Variants in KIAA1217 observed in about 807,000 individuals in gnomAD.
The protein encoded by KIAA1217 is KIAA1217.
A neutral mutation model predicts 163.9 loss-of-function variants in KIAA1217; 88 were observed. The observed-to-expected ratio is 0.54, with a 90% CI of 0.45 to 0.64. The LOEUF (loss-of-function observed/expected upper bound fraction) is 0.64. Among genes scored for constraint, KIAA1217 ranks in the 30% least tolerant of loss-of-function variants. The pLI, the probability that KIAA1217 is intolerant of heterozygous loss-of-function variation, is 0.00. For missense variants in KIAA1217, 2,372 were observed against 2,475.0 expected, an observed-to-expected ratio of 0.96 and a Z score of 0.88; for synonymous variants, 903 against 923.1, an observed-to-expected ratio of 0.98 and a Z score of 0.39.
At chr10:23,853,635 A>G (rs574783532) in intron 1 of KIAA1217, among the ~76,000 whole-genome samples, 2 of 152,264 alleles carry the variant, frequency 1.3e-5, no homozygotes, top group East Asian at 1.9e-4. Flanking sequence ...GTGTGAATCC[A>G]TCTGGTCCTG....
chr10:24,291,686 C>G (rs971942498), intron 2 of KIAA1217, among the ~76,000 whole-genome samples: 6 of 152,094 alleles, frequency 3.9e-5, no homozygotes, highest in African/African-American at 1.4e-4. Flanking sequence ...TTTGGTCACA[C>G]TACACCATTT....
intron 2 of KIAA1217, among the ~76,000 whole-genome samples, chr10:24,329,182 G>A (rs1488274855): frequency 6.8e-6 from 1 of 146,968 alleles, no homozygotes; most frequent in Non-Finnish European, 1.5e-5. Flanking sequence ...CATAAATGGT[G>A]TATATACATA....
intron 5 of KIAA1217, among the ~76,000 whole-genome samples, chr10:24,456,921 C>T (rs541372267): frequency 3.3e-5 from 5 of 151,860 alleles, no homozygotes; most frequent in Non-Finnish European, 7.4e-5. Flanking sequence ...AGGCTGCTCT[C>T]GAATTCCTAA....
chr10:24,397,056 C>T (rs373150201), intron 3 of KIAA1217, among the ~76,000 whole-genome samples: 2 of 150,728 alleles, frequency 1.3e-5, no homozygotes, highest in African/African-American at 2.4e-5. Flanking sequence ...AGGTTGGTTT[C>T]TGCCATCCAG....
At chr10:24,366,315 G>A (rs185884691) in intron 2 of KIAA1217, among the ~76,000 whole-genome samples, 54 of 152,074 alleles carry the variant, frequency 3.6e-4, no homozygotes, top group African/African-American at 1.1e-3. Flanking sequence ...TTTGGTGGTG[G>A]GCGCCTGTAA....
chr10:24,282,047 A>C (rs2078001791), intron 2 of KIAA1217, among the ~76,000 whole-genome samples: 1 of 151,572 alleles, frequency 6.6e-6, no homozygotes, highest in Admixed American at 6.6e-5. Context: ...ACAGAGCGAG[A>C]CTCCATCTCA....
chr10:24,254,564 A>T (rs910977931), intron 2 of KIAA1217, among the ~76,000 whole-genome samples: 1 of 152,108 alleles, frequency 6.6e-6, no homozygotes, highest in Non-Finnish European at 1.5e-5. Context: ...GCCTTTCTTT[A>T]TTCTGTTGTT....
At chr10:23,946,460 T>G (rs1177859612) in intron 1 of KIAA1217, among the ~76,000 whole-genome samples, 1 of 152,170 alleles carries the variant, frequency 6.6e-6, no homozygotes, top group Admixed American at 6.5e-5. Flanking sequence ...CATTTTTAAT[T>G]TATATTTTAC....
chr10:24,244,565 T>C (rs1304757988), intron 2 of KIAA1217, among the ~76,000 whole-genome samples: 18 of 144,800 alleles, frequency 1.2e-4, no homozygotes, highest in African/African-American at 3.5e-4. Flanking sequence ...TTCTTTCTTT[T>C]TTTTTTTTTT....
At chr10:24,460,312 C>G (rs2062259719) in intron 5 of KIAA1217, among the ~76,000 whole-genome samples, 1 of 152,158 alleles carries the variant, frequency 6.6e-6, no homozygotes, top group Admixed American at 6.5e-5. Context: ...AGAATTTCCC[C>G]AGCTCACACA....
chr10:24,270,003 A>T (rs2076617967), intron 2 of KIAA1217, among the ~76,000 whole-genome samples: 1 of 152,198 alleles, frequency 6.6e-6, no homozygotes, highest in Non-Finnish European at 1.5e-5. Context: ...GTATGGAAGA[A>T]TCGCCCCCTG....
In KIAA1217 at chr10:24,157,891, G is replaced by A. The variant is rs927659089; in HGVS notation, c.-170-61735G>A. 2.0e-5 allele frequency: 13 copies of A among 653,808 alleles called. No individual in the cohort carries two copies. In the African/African-American group the frequency reaches 2.0e-4, roughly 10 times the overall value. The allele number at this position is 653,808 out of a possible 1,614,324, so 40.5% of individuals were successfully genotyped here. ...CTGCATTAGGATCTGAACCAATGAT[G>A]CTGGCTTCATCTCCAAAGCCAGGAG... On this transcript the variant is annotated intron_variant, in intron 2 of 18. Coordinates refer to the KIAA1217 transcript ENST00000376462.
intron 2 of KIAA1217, among the ~76,000 whole-genome samples, chr10:24,030,472 T>C (rs1848146500): frequency 6.6e-6 from 1 of 152,132 alleles, no homozygotes; most frequent in Non-Finnish European, 1.5e-5. Flanking sequence ...TGACTGTAAG[T>C]TTCCTGAGGC....
At chr10:24,261,508 A>AG (rs942433047) in intron 2 of KIAA1217, among the ~76,000 whole-genome samples, 2 of 151,646 alleles carry the variant, frequency 1.3e-5, no homozygotes, top group African/African-American at 4.9e-5. Context: ...ACAAAAAAAA[A>AG]AAAAAAGCAT....
intron 3 of KIAA1217, among the ~76,000 whole-genome samples, chr10:24,429,016 T>G (rs2059384618): frequency 6.6e-6 from 1 of 152,148 alleles, no homozygotes; most frequent in African/African-American, 2.4e-5. Context: ...AGAAATAGTA[T>G]GGAGAATGGC....
chr10:24,152,124 CT>C (rs978357198), intron 2 of KIAA1217, among the ~76,000 whole-genome samples: 2 of 152,092 alleles, frequency 1.3e-5, no homozygotes, highest in African/African-American at 4.8e-5. Flanking sequence ...CTTAAGAATG[CT>C]TTGGTTCTTA....
chr10:24,414,721 C>T (rs114921134), intron 3 of KIAA1217, among the ~76,000 whole-genome samples: 1,592 of 152,294 alleles, frequency 0.01, 26 homozygotes, highest in African/African-American at 0.036. Flanking sequence ...CTCGCCCCAC[C>T]CACCACTCTC....
At chr10:24,400,962 TACACACACAC>T (rs375697958) in intron 3 of KIAA1217, among the ~76,000 whole-genome samples, 19 of 117,174 alleles carry the variant, frequency 1.6e-4, no homozygotes, top group South Asian at 5.5e-4. Context: ...GCAAGAAACA[TACACACACAC>T]ACACACACAC....
chr10:24,425,392 G>A lies in KIAA1217; in HGVS notation c.554-7603G>A, dbSNP rs536169399. Among the ~76,000 whole-genome samples, 5 of 152,212 alleles carry A rather than the reference G, an allele frequency of 3.3e-5. No individual in the cohort carries two copies. The South Asian group carries it at 1.0e-3, about 32-fold the overall frequency. ...TTATACCTAAGTTTCTGTTTCAAATGTTGTTATTCTTGTTCTTAAAGAGGC... is the reference window on the plus strand; with the variant it reads ...TTATACCTAAGTTTCTGTTTCAAATATTGTTATTCTTGTTCTTAAAGAGGC... On this transcript the variant is annotated intron_variant, in intron 3 of 20. Transcript: ENST00000376454.
Sources: allele counts gnomAD v4.1 joint callset (sites outside exome capture counted in the v4.1 genomes callset), GRCh38; gene constraint gnomAD v4.1.1; transcripts MANE v1.5; gene names NCBI Gene and HGNC (gene_info 2026-07-23, HGNC 2026-07-21).